PALM2AKAP2: variants seen among roughly 807,000 people sequenced by gnomAD.
The protein encoded by PALM2AKAP2 is PALM2 and AKAP2 fusion.
Under a neutral mutation model 71.5 loss-of-function variants are expected in PALM2AKAP2, and 37 were observed. That is an observed-to-expected ratio of 0.52 (90% confidence interval 0.40 to 0.68). The LOEUF is 0.68. Among genes scored for constraint, PALM2AKAP2 ranks in the 30% least tolerant of loss-of-function variants. The probability of loss-of-function intolerance (pLI) is 0.00; values close to 1 mark genes in which losing one functional copy is unlikely to be tolerated. For synonymous variants in PALM2AKAP2, 468 were observed against 478.8 expected (o/e 0.98, Z 0.29); for missense variants, 1,224 against 1,191.8 (o/e 1.03, Z -0.40).
intron 1 of PALM2AKAP2, among the ~76,000 whole-genome samples, chr9:109,766,354 G>A (rs1435189474): frequency 6.6e-6 from 1 of 152,212 alleles, no homozygotes; most frequent in Non-Finnish European, 1.5e-5. Flanking sequence ...TGGTTCAGGT[G>A]TAGGGACTCA....
At chr9:110,149,893 T>C (rs2119180412) in intron 2 of PALM2AKAP2, among the ~76,000 whole-genome samples, 1 of 152,350 alleles carries the variant, frequency 6.6e-6, no homozygotes, top group East Asian at 1.9e-4. Context: ...TTTTCAGAAC[T>C]TTTGGAATCC....
chr9:109,862,864 G>A (rs10980094), intron 1 of PALM2AKAP2: 56,503 of 506,068 alleles, frequency 0.11, 3,680 homozygotes, highest in East Asian at 0.18. Flanking sequence ...GAAGCAATAA[G>A]AACAAAACTA....
intron 1 of PALM2AKAP2, among the ~76,000 whole-genome samples, chr9:109,744,166 ATCTC>A (rs1031465265): frequency 1.2e-4 from 19 of 152,214 alleles, no homozygotes; most frequent in African/African-American, 4.6e-4. Flanking sequence ...TAAACTGGAA[ATCTC>A]TCTCAGAATG....
At chr9:110,043,348 A>G (rs1039842203) in intron 7 of PALM2AKAP2, among the ~76,000 whole-genome samples, 35 of 152,032 alleles carry the variant, frequency 2.3e-4, no homozygotes, top group African/African-American at 8.0e-4. Flanking sequence ...TTGTTTACTG[A>G]CTCCTCCCCA....
At chr9:109,653,726 C>A (rs2132234830) in intron 1 of PALM2AKAP2, among the ~76,000 whole-genome samples, 1 of 152,246 alleles carries the variant, frequency 6.6e-6, no homozygotes, top group East Asian at 1.9e-4. Flanking sequence ...GTCTGCAGAC[C>A]ACACTCTGAG....
chr9:110,146,759 G>A (rs1396103232), intron 2 of PALM2AKAP2, among the ~76,000 whole-genome samples: 1 of 152,116 alleles, frequency 6.6e-6, no homozygotes, highest in Non-Finnish European at 1.5e-5. Flanking sequence ...ACATACTTAT[G>A]GGGTGGAAGG....
At position 110,019,068 on chromosome 9, in the gene PALM2AKAP2, G is replaced by A. The variant is rs573487907; in HGVS notation, c.582+3029G>A. Among the ~76,000 whole-genome samples the A allele has an allele frequency of 2.0e-5, 3 of 151,868 alleles. No homozygotes were observed. In the South Asian group the frequency reaches 6.2e-4, roughly 32 times the overall value. On this transcript the variant is annotated intron_variant, in intron 7 of 9. Transcript: ENST00000302798. ...CATCCTGGCCAACATGTGAAATGCC[G>A]ACTCTACTAAAAATACAAAAATTAG...
intron 1 of PALM2AKAP2, among the ~76,000 whole-genome samples, chr9:109,700,832 A>ATATTT (rs1828043535): frequency 1.3e-4 from 19 of 151,968 alleles, no homozygotes; most frequent in Admixed American, 1.2e-3. Context: ...CTTTTTCACC[A>ATATTT]CTCTCTTATG....
chr9:109,819,609 T>C (rs1827938607), intron 1 of PALM2AKAP2, among the ~76,000 whole-genome samples: 1 of 147,386 alleles, frequency 6.8e-6, no homozygotes, highest in African/African-American at 2.5e-5. Flanking sequence ...ACAACACACA[T>C]TTCAGTGGCT....
intron 6 of PALM2AKAP2, among the ~76,000 whole-genome samples, chr9:110,001,010 T>G (rs1255109670): frequency 3.3e-5 from 5 of 152,252 alleles, no homozygotes; most frequent in Admixed American, 1.3e-4. Flanking sequence ...AGAAGCTCTT[T>G]AGTTTAATTA....
intron 1 of PALM2AKAP2, among the ~76,000 whole-genome samples, chr9:109,768,344 T>C (rs1829197208): frequency 6.6e-6 from 1 of 151,060 alleles, no homozygotes. Flanking sequence ...CTTTTGCCTC[T>C]TTCAAATGCA....
At chr9:109,669,089 A>G (rs1041916783) in intron 1 of PALM2AKAP2, among the ~76,000 whole-genome samples, 1 of 152,186 alleles carries the variant, frequency 6.6e-6, no homozygotes, top group Non-Finnish European at 1.5e-5. Context: ...AAACTCACCT[A>G]TACTTTAGGG....
chr9:109,864,613 T>C (rs1037674958), intron 1 of PALM2AKAP2, among the ~76,000 whole-genome samples: 1 of 152,180 alleles, frequency 6.6e-6, no homozygotes, highest in African/African-American at 2.4e-5. Context: ...ACTACCTGTG[T>C]TTGCAAATAA....
At chr9:110,032,401 G>GA (rs959008853) in intron 7 of PALM2AKAP2, among the ~76,000 whole-genome samples, 4 of 147,624 alleles carry the variant, frequency 2.7e-5, no homozygotes, top group Non-Finnish European at 6.0e-5. Context: ...TCTACTTAAA[G>GA]AAAAAAAACC....
chr9:109,905,762 C>G (rs1359493513), intron 3 of PALM2AKAP2, among the ~76,000 whole-genome samples: 1 of 152,156 alleles, frequency 6.6e-6, no homozygotes, highest in Non-Finnish European at 1.5e-5. Context: ...CCTGGGACAT[C>G]TTAAATTAGG....
intron 1 of PALM2AKAP2, among the ~76,000 whole-genome samples, chr9:109,698,271 CATTTTTTTTT>C (rs1172121624): frequency 1.5e-5 from 2 of 137,612 alleles, no homozygotes; most frequent in African/African-American, 6.1e-5. Context: ...ATGTGTGCTA[CATTTTTTTTT>C]TTTTTTTTTT....
chr9:109,954,658 T>TTA (rs769097123), intron 6 of PALM2AKAP2, among the ~76,000 whole-genome samples: 1 of 107,940 alleles, frequency 9.3e-6, no homozygotes, highest in African/African-American at 3.5e-5. Flanking sequence ...TAAAGTATAA[T>TTA]AAAAAAAAAA....
chr9:109,933,284 A>G (rs1191538802), intron 6 of PALM2AKAP2, among the ~76,000 whole-genome samples: 12 of 152,190 alleles, frequency 7.9e-5, no homozygotes, highest in African/African-American at 2.7e-4. Flanking sequence ...ACTCCAGGGT[A>G]CACTTCTGAG....
intron 1 of PALM2AKAP2, among the ~76,000 whole-genome samples, chr9:109,835,740 C>T (rs1375641269): frequency 6.6e-6 from 1 of 152,180 alleles, no homozygotes; most frequent in East Asian, 1.9e-4. Flanking sequence ...ATATCCTGCG[C>T]CTGGCTCAGA....
Sources: allele counts gnomAD v4.1 joint callset (sites outside exome capture counted in the v4.1 genomes callset), GRCh38; gene constraint gnomAD v4.1.1; transcripts MANE v1.5; gene names NCBI Gene and HGNC (gene_info 2026-07-23, HGNC 2026-07-21).